PTPRN2: variants seen among roughly 807,000 people sequenced by gnomAD.
PTPRN2 encodes protein tyrosine phosphatase receptor type N2.
PTPRN2 carries 74 observed loss-of-function variants against 118.8 expected under a neutral mutation model. The ratio of observed to expected loss-of-function variants is 0.62; its 90% CI spans 0.52 to 0.76. The LOEUF (loss-of-function observed/expected upper bound fraction) is 0.76. PTPRN2 is among the 30% of genes least tolerant of loss of function. The probability of loss-of-function intolerance (pLI) is 0.00; values close to 1 mark genes in which losing one functional copy is unlikely to be tolerated. For missense variants in PTPRN2, 1,481 were observed against 1,394.4 expected (o/e 1.06, Z -0.99); for synonymous variants, 641 against 608.0 (o/e 1.05, Z -0.80).
At chr7:157,644,802 CAA>C (rs749501197) in intron 14 of PTPRN2, among the ~76,000 whole-genome samples, 2 of 72,382 alleles carry the variant, frequency 2.8e-5, no homozygotes, top group Non-Finnish European at 3.5e-5. Flanking sequence ...TCTCAAAAAA[CAA>C]AAAAAAAAAA....
At position 157,629,367 on chromosome 7, in the gene PTPRN2, G is replaced by C. The variant is rs1803800863; in HGVS notation, c.2197-7858C>G. Among the ~76,000 whole-genome samples the C allele has an allele frequency of 6.6e-6, 1 of 152,114 alleles. No homozygotes were observed. The highest frequency in any genetic ancestry group is 1.5e-5 in the Non-Finnish European group (1 of 68,022). ...TCTATCTGTTGGCTGTAACAATGAA[G>C]AAGTGAGATACTGAGAGGTGCAAGA... On this transcript the variant is annotated intron_variant, in intron 14 of 22. Transcript: ENST00000389418. The surrounding 1 kb of genome is among the most constrained non-coding windows in gnomAD (Gnocchi z 4.4).
At chr7:158,543,249 G>C (rs1318698420) in intron 1 of PTPRN2, among the ~76,000 whole-genome samples, 1 of 152,210 alleles carries the variant, frequency 6.6e-6, no homozygotes, top group Non-Finnish European at 1.5e-5. Flanking sequence ...CAATACGCCA[G>C]ACACACCTGC....
Position 158,071,261 on chromosome 7 carries a change from C to T in PTPRN2, c.1723+10037G>A, listed in dbSNP as rs1391077492. ...GAGGTGCTCGTAGTATGGAGGTGCCCGTGGTGGTGGAGGTGCCCGTGGTGG... is the reference window on the plus strand; with the variant it reads ...GAGGTGCTCGTAGTATGGAGGTGCCTGTGGTGGTGGAGGTGCCCGTGGTGG... On this transcript the variant is annotated intron_variant, in intron 11 of 22. Coordinates refer to ENST00000389418, the MANE Select transcript of PTPRN2 (RefSeq NM_002847.5). Among the ~76,000 whole-genome samples, 7 of 44,306 alleles carry T rather than the reference C, an allele frequency of 1.6e-4. 1 individual carries two copies. In the Admixed American group the frequency reaches 1.7e-3, roughly 11 times the overall value. The allele number at this position is 44,306 out of a possible 152,430, so 29.1% of individuals were successfully genotyped here. A position where few individuals can be genotyped will look rare whatever the true frequency, so the allele number is the denominator to read the frequency against.
intron 13 of PTPRN2, among the ~76,000 whole-genome samples, chr7:157,657,621 T>TAC (rs746232667): frequency 2.2e-5 from 1 of 46,278 alleles, no homozygotes; most frequent in African/African-American, 7.8e-5. Context: ...ATCACACATA[T>TAC]ACACACACAC....
chr7:158,561,167 T>C (rs1219642266), intron 1 of PTPRN2, among the ~76,000 whole-genome samples: 1 of 152,226 alleles, frequency 6.6e-6, no homozygotes, highest in African/African-American at 2.4e-5. Flanking sequence ...GATCGGGACA[T>C]TAGATTACTT....
At chr7:158,213,484 C>A (rs1002970318) in intron 3 of PTPRN2, among the ~76,000 whole-genome samples, 7 of 152,080 alleles carry the variant, frequency 4.6e-5, no homozygotes, top group African/African-American at 1.2e-4. Context: ...ATTAGGATGG[C>A]CTCCAACTTA....
At chr7:157,795,296 A>G (rs749646651) in intron 12 of PTPRN2, among the ~76,000 whole-genome samples, 3 of 150,750 alleles carry the variant, frequency 2.0e-5, no homozygotes, top group Non-Finnish European at 4.4e-5. Context: ...TGCTCAAACT[A>G]AAAGCCCCTC....
At chr7:158,531,948 G>T (rs1001085411) in intron 1 of PTPRN2, among the ~76,000 whole-genome samples, 4 of 152,162 alleles carry the variant, frequency 2.6e-5, no homozygotes, top group Non-Finnish European at 5.9e-5. Flanking sequence ...AGGCATTTGG[G>T]GTTTCCACTG....
At chr7:158,102,719 G>A (rs1400491547) in intron 10 of PTPRN2, among the ~76,000 whole-genome samples, 1 of 152,128 alleles carries the variant, frequency 6.6e-6, no homozygotes, top group African/African-American at 2.4e-5. Context: ...AGGACTCATT[G>A]CATCACGCTT....
rs999759983 is a variant in PTPRN2, at chr7:158,526,736, G to A, written c.113-36951C>T. Reference sequence around the variant, plus strand: ...GAGGAGGAGGTGAGGACACAGACACGCACAGATGGACAACCCTGTGGGGCA... The same window carrying A: ...GAGGAGGAGGTGAGGACACAGACACACACAGATGGACAACCCTGTGGGGCA... On this transcript the variant is annotated intron_variant, in intron 1 of 22. Coordinates refer to ENST00000389418, the MANE Select transcript of PTPRN2 (RefSeq NM_002847.5). The surrounding 1 kb of genome is among the most constrained non-coding windows in gnomAD (Gnocchi z 5.2). Among the ~76,000 whole-genome samples the A allele has an allele frequency of 3.9e-5, 6 of 152,086 alleles. No homozygotes were observed. The highest frequency in any genetic ancestry group is 1.9e-4 in the East Asian group (1 of 5,170).
In PTPRN2 at chr7:158,388,166, G is replaced by A. The variant is rs117892883; in HGVS notation, c.164-71234C>T. Among the ~76,000 whole-genome samples, 186 of 152,206 alleles carry A rather than the reference G, an allele frequency of 1.2e-3. 1 individual carries two copies. In the East Asian group the frequency reaches 0.019, roughly 16 times the overall value. On this transcript the variant is annotated intron_variant, in intron 2 of 22. Transcript: ENST00000389418. Reference sequence around the variant, plus strand: ...TTCACTCTGCAGGTCTCGGCAAGGAGCACCCCTGTCCACACTGAACAAGAA... The same window carrying A: ...TTCACTCTGCAGGTCTCGGCAAGGAACACCCCTGTCCACACTGAACAAGAA...
intron 14 of PTPRN2, among the ~76,000 whole-genome samples, chr7:157,638,666 G>C (rs1804476291): frequency 1.3e-5 from 2 of 152,218 alleles, no homozygotes; most frequent in Non-Finnish European, 2.9e-5. Context: ...CCAGTCACAC[G>C]GCATGGGGAC....
At chr7:158,365,116 C>T (rs566093007) in intron 2 of PTPRN2, among the ~76,000 whole-genome samples, 4 of 152,328 alleles carry the variant, frequency 2.6e-5, no homozygotes, top group Admixed American at 6.5e-5. Flanking sequence ...ACTCTTCAGA[C>T]ACAATCTGAA....
chr7:157,728,474 C>T (rs1799719984), intron 12 of PTPRN2, among the ~76,000 whole-genome samples: 1 of 152,218 alleles, frequency 6.6e-6, no homozygotes, highest in Admixed American at 6.5e-5. Flanking sequence ...TTGTCTGCAT[C>T]CCGGGGCCCT....
chr7:158,200,801 T>C (rs1189806521), intron 4 of PTPRN2, among the ~76,000 whole-genome samples: 1 of 152,158 alleles, frequency 6.6e-6, no homozygotes, highest in East Asian at 1.9e-4. Flanking sequence ...AAACATTTAT[T>C]GTTTCAAAAG....
At chr7:157,970,457 G>T (rs563954391) in intron 11 of PTPRN2, among the ~76,000 whole-genome samples, 2 of 152,330 alleles carry the variant, frequency 1.3e-5, no homozygotes, top group East Asian at 3.9e-4. Flanking sequence ...CCAGCACAAG[G>T]GTCTGAAGTC....
At chr7:157,963,562 C>A (rs372973818) in intron 11 of PTPRN2, among the ~76,000 whole-genome samples, 3 of 152,252 alleles carry the variant, frequency 2.0e-5, no homozygotes, top group Non-Finnish European at 4.4e-5. Flanking sequence ...TTACTTCACA[C>A]GTTCTCTGAG....
intron 22 of PTPRN2, among the ~76,000 whole-genome samples, chr7:157,543,857 C>T (rs1798128217): frequency 6.6e-6 from 1 of 152,192 alleles, no homozygotes; most frequent in African/African-American, 2.4e-5. Flanking sequence ...AGTAGACAAG[C>T]TCCAAGCCAC....
rs1349978581 is a variant in PTPRN2, at chr7:158,570,506, G to A, written c.112+17052C>T. On this transcript the variant is annotated intron_variant, in intron 1 of 22. Coordinates refer to ENST00000389418, the MANE Select transcript of PTPRN2 (RefSeq NM_002847.5). This position sits in a 1 kb window ranked among gnomAD's most constrained non-coding sequence, Gnocchi z 4.5. ...CGGCAGCTCCGACCCCTCAACTGAC[G>A]CGTCTCCCCGTGGTGGGTCCCGATC... Among the ~76,000 whole-genome samples, 1 of 152,080 alleles carries A rather than the reference G, an allele frequency of 6.6e-6. No individual in the cohort carries two copies.
Sources: allele counts gnomAD v4.1 joint callset (sites outside exome capture counted in the v4.1 genomes callset), GRCh38; gene constraint gnomAD v4.1.1; non-coding constraint Gnocchi (gnomAD v3.1); transcripts MANE v1.5; gene names NCBI Gene and HGNC (gene_info 2026-07-23, HGNC 2026-07-21).